Variants in GALNT15 observed in about 807,000 individuals in gnomAD.
GALNT15 encodes the protein polypeptide N-acetylgalactosaminyltransferase 15.
Under a neutral mutation model 66.8 loss-of-function variants are expected in GALNT15, and 67 were observed. That is an observed-to-expected ratio of 1.00 (90% CI 0.82 to 1.23). The LOEUF (loss-of-function observed/expected upper bound fraction) is 1.23. Ranked by LOEUF, GALNT15 falls within the 50% of genes most tolerant of loss-of-function variation. The pLI is 0.00. For synonymous variants in GALNT15, 313 were observed against 311.5 expected, an observed-to-expected ratio of 1.00 and a Z score of -0.05; for missense variants, 827 against 804.3, an observed-to-expected ratio of 1.03 and a Z score of -0.34.
In GALNT15 at chr3:16,204,555, G is replaced by C. The variant is rs1271365607; in HGVS notation, c.911+3732G>C. ...ATGATGGGAATCAAGACTAGCTGTT[G>C]TATCCAGCTCTCAGCTGACTTGTGT... is the stretch of plus-strand genomic sequence containing the variant. On this transcript the variant is annotated intron_variant, in intron 3 of 9. Coordinates refer to ENST00000339732, the MANE Select transcript of GALNT15 (RefSeq NM_054110.5). This position sits in a 1 kb window ranked among gnomAD's most constrained non-coding sequence, Gnocchi z 4.5. Among the ~76,000 whole-genome samples, 1 of 152,082 alleles carries C rather than the reference G, an allele frequency of 6.6e-6. No individual in the cohort carries two copies. The highest frequency in any genetic ancestry group is 1.9e-4 in the East Asian group (1 of 5,178).
chr3:16,174,869 A>G lies in GALNT15; in HGVS notation c.-283A>G. 2.3e-6 allele frequency: 1 copy of G among 437,246 alleles called. No individual in the cohort carries two copies. The highest frequency in any genetic ancestry group is 4.1e-6 in the Non-Finnish European group (1 of 243,774). 27.1% of individuals were successfully genotyped at this position (437,246 alleles called of 1,614,324 possible). A position where few individuals can be genotyped will look rare whatever the true frequency, so the allele number is the denominator to read the frequency against. On this transcript the variant is annotated 5_prime_UTR_variant, in exon 1 of 10. Coordinates refer to ENST00000339732, the MANE Select transcript of GALNT15 (RefSeq NM_054110.5). The surrounding 1 kb of genome is among the most constrained non-coding windows in gnomAD (Gnocchi z 4.7). Reference sequence around the variant, plus strand: ...GAGAAAACCGGGGTAAAGGGAGGGAAGCAATTCAATTTGAAGTCCCTGTGA... The same window carrying G: ...GAGAAAACCGGGGTAAAGGGAGGGAGGCAATTCAATTTGAAGTCCCTGTGA...
At chr3:16,178,698 T>A (rs188502479) in intron 1 of GALNT15, among the ~76,000 whole-genome samples, 44 of 152,324 alleles carry the variant, frequency 2.9e-4, no homozygotes, top group African/African-American at 1.0e-3. Flanking sequence ...GTGACAGGAC[T>A]CTTCGGCTCC....
At position 16,197,734 on chromosome 3, in the gene GALNT15, G is replaced by A. The variant is rs75360473; in HGVS notation, c.706+1808G>A. On this transcript the variant is annotated intron_variant, in intron 2 of 9. Transcript: ENST00000339732. The stretch of plus-strand genomic sequence containing the variant: ...AATCATTAAATCAGAAAATGCTTGC[G>A]ATGACCAGCCCATGATGACCCTTTA... Among the ~76,000 whole-genome samples, 27 of 152,262 alleles carry A rather than the reference G, an allele frequency of 1.8e-4. No individual in the cohort carries two copies. The East Asian group carries it at 2.1e-3, about 12-fold the overall frequency.
At position 16,195,668 on chromosome 3, in the gene GALNT15, C is replaced by T; in HGVS notation, c.540-92C>T. The T allele has an allele frequency of 8.3e-7, 1 of 1,201,550 alleles. No homozygotes were observed. The highest frequency in any genetic ancestry group is 1.2e-6 in the Non-Finnish European group (1 of 849,164). 74.4% of individuals were successfully genotyped at this position (1,201,550 alleles called of 1,614,324 possible). ...TAGGACAGCCATATAATGGGGGCAG[C>T]TCCAGCCAGAGCAAAGGAAGCGAGT... is the stretch of plus-strand genomic sequence containing the variant. On this transcript the variant is annotated intron_variant, in intron 1 of 9. Transcript: ENST00000339732. This position sits in a 1 kb window ranked among gnomAD's most constrained non-coding sequence, Gnocchi z 4.6.
rs1315279800 is a variant in GALNT15, at chr3:16,186,101, TAAAC to T, written c.540-9656_540-9653del. On this transcript the variant is annotated intron_variant, in intron 1 of 9. Transcript: ENST00000339732. This position sits in a 1 kb window ranked among gnomAD's most constrained non-coding sequence, Gnocchi z 5.1. The stretch of plus-strand genomic sequence containing the variant: ...AAAAGAACCCTTACAACCCAACAAT[TAAAC>T]AACAAAACACTCCATTTTAAAATGG... Among the ~76,000 whole-genome samples, 1 of 152,094 alleles carries T rather than the reference TAAAC, an allele frequency of 6.6e-6. No homozygotes were observed. The highest frequency in any genetic ancestry group is 2.4e-5 in the African/African-American group (1 of 41,400).
chr3:16,228,931 G>A lies in GALNT15; in HGVS notation c.*1431G>A. 1.0e-6 allele frequency: 1 copy of A among 985,468 alleles called. No homozygotes were observed. Among genetic ancestry groups the A allele is most frequent in the Non-Finnish European group, 1.2e-6 (1 of 829,960 alleles). The allele number at this position is 985,468 out of a possible 1,614,324, so 61.0% of individuals were successfully genotyped here. A position where few individuals can be genotyped will look rare whatever the true frequency, so the allele number is the denominator to read the frequency against. ...CTCATCTGGAGCACAGCTGAGGCTAGTAAGAGCTAAATGACTTTCCTTGCT... is the reference window on the plus strand; with the variant it reads ...CTCATCTGGAGCACAGCTGAGGCTAATAAGAGCTAAATGACTTTCCTTGCT... On this transcript the variant is annotated 3_prime_UTR_variant, in exon 10 of 10. Transcript: ENST00000339732.
chr3:16,201,799 C>G (rs1485103536), intron 3 of GALNT15, among the ~76,000 whole-genome samples: 1 of 152,192 alleles, frequency 6.6e-6, no homozygotes, highest in Non-Finnish European at 1.5e-5. Flanking sequence ...TCAAGACAAA[C>G]AGTTCCTAAA....
chr3:16,207,534 A>AAAAAAAAAAAAAAAAAAAAAAAAAAAC (rs2063770107), intron 3 of GALNT15, among the ~76,000 whole-genome samples: 1 of 1,780 alleles, frequency 5.6e-4, no homozygotes, highest in Non-Finnish European at 1.0e-3. Flanking sequence ...AAAAAAAAAA[A>AAAAAAAAAAAAAAAAAAAAAAAAAAAC]AAAAAAAAAT....
chr3:16,228,556 G>A lies in GALNT15; in HGVS notation c.*1056G>A, dbSNP rs1036349903. ...CTTGGGAGGCTGAGGCAAGAGAATC[G>A]CTTGAACCCAGGAGGCAGAGGTTGC... On this transcript the variant is annotated 3_prime_UTR_variant, in exon 10 of 10. Coordinates refer to ENST00000339732, the MANE Select transcript of GALNT15 (RefSeq NM_054110.5). 6 of 738,600 alleles carry A rather than the reference G, an allele frequency of 8.1e-6. No individual in the cohort carries two copies. Among genetic ancestry groups the A allele is most frequent in the Admixed American group, 6.3e-5 (1 of 15,800 alleles). 45.8% of individuals were successfully genotyped at this position (738,600 alleles called of 1,614,324 possible).
In GALNT15 at chr3:16,200,670, A is replaced by G; in HGVS notation, c.758A>G (p.Lys253Arg). The change falls in exon 3 of 10, where the codon AAG becomes AGG. Residue 253 changes from lysine (K) to arginine (R), a missense_variant. Coordinates refer to ENST00000339732, the MANE Select transcript of GALNT15 (RefSeq NM_054110.5). This position sits in a 1 kb window ranked among gnomAD's most constrained non-coding sequence, Gnocchi z 4.4. The part of the protein sequence containing the change: ...SEYVARLEGV[K>R]LLRSNKRLGA... ...TATGTGGCCAGGCTGGAGGGGGTGA[A>G]GTTACTCAGGAGCAACAAGAGGCTG... 6.2e-7 allele frequency: 1 copy of G among 1,603,812 alleles called. No individual in the cohort carries two copies. Among genetic ancestry groups the G allele is most frequent in the Non-Finnish European group, 8.5e-7 (1 of 1,175,112 alleles).
chr3:16,189,540 T>C lies in GALNT15; in HGVS notation c.540-6220T>C, dbSNP rs1015502252. ...AGTCAGCACATTTTTACCTGAAAAA[T>C]AGTAACAGCTTCCAGTTATTGAAAG... On this transcript the variant is annotated intron_variant, in intron 1 of 9. Transcript: ENST00000339732. This position sits in a 1 kb window ranked among gnomAD's most constrained non-coding sequence, Gnocchi z 5.1. 5.9e-5 allele frequency among the ~76,000 whole-genome samples: 9 copies of C among 152,280 alleles called. No homozygotes were observed. The highest frequency in any genetic ancestry group is 2.6e-4 in the Admixed American group (4 of 15,300).
the GALNT15 span, among the ~76,000 whole-genome samples, chr3:16,239,374 C>T: frequency 1.3e-5 from 2 of 152,112 alleles, no homozygotes; most frequent in Admixed American, 1.3e-4. This position sits in a 1 kb window ranked among gnomAD's most constrained non-coding sequence, Gnocchi z 5.2. Context: ...TGAGATGCCT[C>T]CTCTCTCAGG....
At position 16,188,449 on chromosome 3, in the gene GALNT15, G is replaced by A. The variant is rs1016261017; in HGVS notation, c.540-7311G>A. Among the ~76,000 whole-genome samples the A allele has an allele frequency of 1.3e-5, 2 of 152,180 alleles. No individual in the cohort carries two copies. The highest frequency in any genetic ancestry group is 1.5e-5 in the Non-Finnish European group (1 of 68,030). On this transcript the variant is annotated intron_variant, in intron 1 of 9. Coordinates refer to ENST00000339732, the MANE Select transcript of GALNT15 (RefSeq NM_054110.5). The surrounding 1 kb of genome is among the most constrained non-coding windows in gnomAD (Gnocchi z 4.6). ...CTTTTTCTGAAAATCAGGAAGATGT[G>A]GCAAAACTGGACTAAATTTCCTCCC...
In GALNT15 at chr3:16,187,448, CT is replaced by C; in HGVS notation, c.540-8311del. 6.6e-6 allele frequency among the ~76,000 whole-genome samples: 1 copy of C among 152,322 alleles called. No homozygotes were observed. The highest frequency in any genetic ancestry group is 1.9e-4 in the East Asian group (1 of 5,174). On this transcript the variant is annotated intron_variant, in intron 1 of 9. Transcript: ENST00000339732. The surrounding 1 kb of genome is among the most constrained non-coding windows in gnomAD (Gnocchi z 5.1). ...TCACTCTCAGACCTGGCAGCTGATGCTGGTCCTCAGCTGGGGCACTTTAGTT... is the reference window on the plus strand; with the variant it reads ...TCACTCTCAGACCTGGCAGCTGATGCGGTCCTCAGCTGGGGCACTTTAGTT...
Position 16,175,503 on chromosome 3 carries a change from C to G in GALNT15, c.352C>G (p.Arg118Gly). 1 of 1,613,928 alleles carries G rather than the reference C, an allele frequency of 6.2e-7. No homozygotes were observed. Among genetic ancestry groups the G allele is most frequent in the Non-Finnish European group, 8.5e-7 (1 of 1,179,910 alleles). Residue 118 changes from arginine to glycine, a missense_variant, in exon 1 of 10, where the codon CGC (arginine) becomes GGC (glycine). Arg to Gly is a moderately radical substitution (Grantham distance 125). Transcript: ENST00000339732. The surrounding 1 kb of genome is among the most constrained non-coding windows in gnomAD (Gnocchi z 5.6). Reference protein sequence around the residue: ...QSQGRRGGSYRLIKQPRRQDK... With the variant: ...QSQGRRGGSYGLIKQPRRQDK... Reference sequence around the variant, plus strand: ...CCAGGGCAGGAGAGGTGGGAGCTACCGCCTCATCAAGCAGCCAAGGAGGCA... The same window carrying G: ...CCAGGGCAGGAGAGGTGGGAGCTACGGCCTCATCAAGCAGCCAAGGAGGCA...
chr3:16,219,827 A>G lies in GALNT15; in HGVS notation c.1525-83A>G. The G allele has an allele frequency of 8.5e-7, 1 of 1,178,562 alleles. No homozygotes were observed. Among genetic ancestry groups the G allele is most frequent in the Non-Finnish European group, 1.3e-6 (1 of 785,520 alleles). The allele number at this position is 1,178,562 out of a possible 1,614,324, so 73.0% of individuals were successfully genotyped here. A position where few individuals can be genotyped will look rare whatever the true frequency, so the allele number is the denominator to read the frequency against. ...TGTGCCTTGGGCTGCACTCCAGAGA[A>G]TACAGCAAAGGAATGGTGTCTGACC... On this transcript the variant is annotated intron_variant, in intron 7 of 9. Coordinates refer to ENST00000339732, the MANE Select transcript of GALNT15 (RefSeq NM_054110.5). This position sits in a 1 kb window ranked among gnomAD's most constrained non-coding sequence, Gnocchi z 4.3.
At chr3:16,240,247 A>T in the GALNT15 span, among the ~76,000 whole-genome samples, 1 of 148,812 alleles carries the variant, frequency 6.7e-6, no homozygotes, top group African/African-American at 2.5e-5. Context: ...AGTGAATTCT[A>T]GTTCTTAGGA....
At position 16,227,218 on chromosome 3, in the gene GALNT15, T is replaced by C; in HGVS notation, c.1774-136T>C. 1.1e-6 allele frequency: 1 copy of C among 927,990 alleles called. No individual in the cohort carries two copies. Among genetic ancestry groups the C allele is most frequent in the Non-Finnish European group, 1.6e-6 (1 of 633,848 alleles). The allele number at this position is 927,990 out of a possible 1,614,324, so 57.5% of individuals were successfully genotyped here. A position where few individuals can be genotyped will look rare whatever the true frequency, so the allele number is the denominator to read the frequency against. On this transcript the variant is annotated intron_variant, in intron 9 of 9. Coordinates refer to ENST00000339732, the MANE Select transcript of GALNT15 (RefSeq NM_054110.5). The surrounding 1 kb of genome is among the most constrained non-coding windows in gnomAD (Gnocchi z 4.5). ...AATTTATATTTTATGTTGATCAAAA[T>C]ACCACAATTCCTTTCCAGGCCAGTT...
At chr3:16,208,419 A>T in intron 3 of GALNT15, 84 bp from the exon 4 acceptor site, 1 of 1,417,268 alleles carries the variant, frequency 7.1e-7, no homozygotes, top group Non-Finnish European at 9.7e-7. Flanking sequence ...TAGCCACCAT[A>T]CTGGGCAGCC....
Sources: allele counts gnomAD v4.1 joint callset (sites outside exome capture counted in the v4.1 genomes callset), GRCh38; gene constraint gnomAD v4.1.1; non-coding constraint Gnocchi (gnomAD v3.1); transcripts MANE v1.5; gene names NCBI Gene and HGNC (gene_info 2026-07-23, HGNC 2026-07-21).